CHRNA7: variants seen among roughly 807,000 people sequenced by gnomAD.
CHRNA7 encodes cholinergic receptor nicotinic alpha 7 subunit, also known as neuronal acetylcholine receptor subunit alpha-7.
Under a neutral mutation model 48.0 loss-of-function variants are expected in CHRNA7, and 17 were observed. The observed-to-expected ratio is 0.35, with a 90% confidence interval of 0.24 to 0.53. The LOEUF is 0.53. CHRNA7 is among the 20% of genes least tolerant of loss of function. The pLI is 0.92. For missense variants in CHRNA7, 155 were observed against 577.7 expected (o/e 0.27, Z 7.50); for synonymous variants, 75 against 242.3 (o/e 0.31, Z 6.41).
intron 4 of CHRNA7, among the ~76,000 whole-genome samples, chr15:32,142,715 T>G (rs909877891): frequency 1.3e-5 from 2 of 152,238 alleles, no homozygotes; most frequent in Non-Finnish European, 2.9e-5. Flanking sequence ...TAGAGGTGTT[T>G]ATAGTATTCT....
chr15:32,149,331 G>T lies in CHRNA7; in HGVS notation c.351-4576G>T, dbSNP rs2611603. ...GCACAGGGCTGCCCAGCACTGGTGA[G>T]GGGGTCACTGTTGGCTGGCATCTGT... On this transcript the variant is annotated intron_variant, in intron 4 of 9. Transcript: ENST00000306901. This position sits in a 1 kb window ranked among gnomAD's most constrained non-coding sequence, Gnocchi z 4.6. Among the ~76,000 whole-genome samples the T allele has an allele frequency of 0.73, 111,740 of 152,160 alleles. 41,894 individuals carry two copies. The highest frequency in any genetic ancestry group is 1 in the East Asian group (5,147 of 5,156).
At chr15:32,034,597 T>G (rs2141160559) in intron 2 of CHRNA7, among the ~76,000 whole-genome samples, 1 of 152,264 alleles carries the variant, frequency 6.6e-6, no homozygotes, top group Admixed American at 6.5e-5. Context: ...AGTCTAGGCA[T>G]CTCTGAGGGC....
At chr15:32,060,630 G>A (rs546026008) in intron 2 of CHRNA7, among the ~76,000 whole-genome samples, 51 of 152,294 alleles carry the variant, frequency 3.3e-4, no homozygotes, top group African/African-American at 1.1e-3. Context: ...TAATCACCAT[G>A]TTGTGAATTG....
At chr15:32,094,747 G>A (rs753645427) in intron 2 of CHRNA7, among the ~76,000 whole-genome samples, 2 of 151,454 alleles carry the variant, frequency 1.3e-5, no homozygotes, top group Non-Finnish European at 2.9e-5. Context: ...TGCAAGCTCC[G>A]CCTCCCAGGT....
chr15:32,081,998 T>C (rs1184644671), intron 2 of CHRNA7, among the ~76,000 whole-genome samples: 1 of 152,188 alleles, frequency 6.6e-6, no homozygotes, highest in Non-Finnish European at 1.5e-5. Context: ...TCTGAGGTGA[T>C]CTTTTTTTCA....
chr15:32,150,529 G>C (rs776095096), intron 4 of CHRNA7, among the ~76,000 whole-genome samples: 1 of 152,136 alleles, frequency 6.6e-6, no homozygotes, highest in African/African-American at 2.4e-5. Flanking sequence ...ATTCAAATGC[G>C]TGCAAATTCA....
intron 2 of CHRNA7, among the ~76,000 whole-genome samples, chr15:32,081,093 A>G (rs928818984): frequency 3.3e-5 from 5 of 152,210 alleles, no homozygotes; most frequent in Admixed American, 6.5e-5. Flanking sequence ...ATGAGAACAC[A>G]TGGACATGGG....
intron 4 of CHRNA7, among the ~76,000 whole-genome samples, chr15:32,148,254 T>G (rs962868199): frequency 1.3e-5 from 2 of 152,218 alleles, no homozygotes; most frequent in Non-Finnish European, 1.5e-5. Flanking sequence ...AGGCTCATTC[T>G]GGTGAACACG....
chr15:32,072,033 T>C (rs943686346), intron 2 of CHRNA7, among the ~76,000 whole-genome samples: 1 of 152,096 alleles, frequency 6.6e-6, no homozygotes, highest in African/African-American at 2.4e-5. Flanking sequence ...GTTTGGAACT[T>C]CTTAGAGACT....
chr15:32,111,828 A>G lies in CHRNA7; in HGVS notation c.279A>G (p.Glu93=). 6.2e-7 allele frequency: 1 copy of G among 1,613,932 alleles called. No homozygotes were observed. ...ACTATTTACAGTGGAATGTGTCAGA[A>G]TATCCAGGGGTGAAGACTGTTCGTT... is the stretch of plus-strand genomic sequence containing the variant. ...TDHYLQWNVS[E]YPGVKTVRFP... is the part of the protein sequence containing the mutation. The change falls in exon 4 of 10, where the codon GAA becomes GAG. Residue 93 remains glutamate, a synonymous_variant. Transcript: ENST00000306901.
chr15:32,169,000 TAGAG>T lies in CHRNA7; in HGVS notation c.*546_*549del, dbSNP rs2052330067. On this transcript the variant is annotated 3_prime_UTR_variant, in exon 10 of 10. Transcript: ENST00000306901. ...TTATTTTTATTTCTATCAAAGACGG[TAGAG>T]AGAAACAGCTTGATGCTGTTTCTAC... 1 of 137,650 alleles carries T rather than the reference TAGAG, an allele frequency of 7.3e-6. No individual in the cohort carries two copies. The highest frequency in any genetic ancestry group is 1.6e-5 in the Non-Finnish European group (1 of 63,252). The allele number at this position is 137,650 out of a possible 1,614,324, so 8.5% of individuals were successfully genotyped here.
chr15:32,057,914 A>G (rs922070842), intron 2 of CHRNA7, among the ~76,000 whole-genome samples: 2 of 152,194 alleles, frequency 1.3e-5, no homozygotes, highest in Non-Finnish European at 1.5e-5. Flanking sequence ...AAGTCAGGTA[A>G]ATTTCAGACA....
At chr15:32,146,107 G>GT (rs1331822644) in intron 4 of CHRNA7, among the ~76,000 whole-genome samples, 10 of 152,202 alleles carry the variant, frequency 6.6e-5, no homozygotes, top group African/African-American at 2.4e-4. Flanking sequence ...CTAGCAATAA[G>GT]TTAAAAATAA....
intron 2 of CHRNA7, among the ~76,000 whole-genome samples, chr15:32,090,131 T>C (rs1566831036): frequency 1.3e-5 from 2 of 152,170 alleles, no homozygotes; most frequent in African/African-American, 4.8e-5. Context: ...AGTGTTTCTC[T>C]AGTGGTATAG....
intron 4 of CHRNA7, among the ~76,000 whole-genome samples, chr15:32,133,947 A>T (rs548616743): frequency 6.6e-6 from 1 of 152,270 alleles, no homozygotes; most frequent in African/African-American, 2.4e-5. Flanking sequence ...ATGTGCCATG[A>T]ACATGCTCTG....
chr15:32,061,625 T>A (rs1201178788), intron 2 of CHRNA7, among the ~76,000 whole-genome samples: 1 of 152,008 alleles, frequency 6.6e-6, no homozygotes, highest in Non-Finnish European at 1.5e-5. Flanking sequence ...CTGGCCAACA[T>A]GATGAAACCC....
chr15:32,114,061 CATATATATAT>C (rs35944403), intron 4 of CHRNA7, among the ~76,000 whole-genome samples: 3 of 120,226 alleles, frequency 2.5e-5, no homozygotes, highest in African/African-American at 9.8e-5. Flanking sequence ...TATATATATA[CATATATATAT>C]ATATACACAT....
intron 4 of CHRNA7, among the ~76,000 whole-genome samples, chr15:32,115,527 A>T (rs1349265573): frequency 1.3e-5 from 2 of 151,860 alleles, no homozygotes; most frequent in African/African-American, 4.8e-5. Flanking sequence ...CTCCAGCCCT[A>T]CTGCTTGTCC....
At chr15:32,070,768 A>G (rs1175445235) in intron 2 of CHRNA7, among the ~76,000 whole-genome samples, 4 of 134,552 alleles carry the variant, frequency 3.0e-5, no homozygotes, top group African/African-American at 5.7e-5. Flanking sequence ...CTCACTGCAA[A>G]CTCTGCCTCG....
Sources: gnomAD v4.1 joint callset for allele counts (sites outside exome capture counted in the v4.1 genomes callset) on GRCh38, gnomAD v4.1.1 for gene constraint, Gnocchi (gnomAD v3.1) non-coding constraint, MANE v1.5 for transcripts, NCBI Gene and HGNC (gene_info 2026-07-23, HGNC 2026-07-21) for gene names.